The following SLC35G2 variants were observed in gnomAD, a reference collection of about 807,000 sequenced individuals.
The protein encoded by SLC35G2 is transmembrane protein 22.
Under a neutral mutation model 27.2 loss-of-function variants are expected in SLC35G2, and 20 were observed. The observed-to-expected ratio is 0.74, with a 90% CI of 0.52 to 1.07. The LOEUF is 1.07. SLC35G2 is among the 50% of genes least tolerant of loss of function. The pLI is 0.00. For missense variants in SLC35G2, 416 were observed against 493.3 expected (o/e 0.84, Z 1.48); for synonymous variants, 148 against 165.3 (o/e 0.90, Z 0.80).
intron 1 of SLC35G2, among the ~76,000 whole-genome samples, chr3:136,832,709 C>T (rs938332449): frequency 6.6e-6 from 1 of 152,176 alleles, no homozygotes; most frequent in Non-Finnish European, 1.5e-5. Context: ...GTCAGACTGC[C>T]TTCATAGAAA....
At chr3:136,839,358 A>T (rs1177657152) in intron 1 of SLC35G2, among the ~76,000 whole-genome samples, 1 of 152,178 alleles carries the variant, frequency 6.6e-6, no homozygotes, top group East Asian at 1.9e-4. Flanking sequence ...TCACAACACA[A>T]ATTGCTCTGC....
intron 1 of SLC35G2, chr3:136,842,786 C>T (rs985239356): frequency 6.6e-6 from 1 of 152,194 alleles, no homozygotes; most frequent in Non-Finnish European, 1.5e-5. Flanking sequence ...TGAGAGCTCT[C>T]TTGCCATTAT....
chr3:136,829,314 C>T (rs1251271995), intron 1 of SLC35G2, among the ~76,000 whole-genome samples: 14 of 152,084 alleles, frequency 9.2e-5, no homozygotes, highest in African/African-American at 2.4e-4. Context: ...CTCCGCCTCC[C>T]GGGTTCAAGC....
At position 136,835,300 on chromosome 3, in the gene SLC35G2, C is replaced by T. The variant is rs1936834719; in HGVS notation, c.-19+15672C>T. Among the ~76,000 whole-genome samples, 4 of 128,070 alleles carry T rather than the reference C, an allele frequency of 3.1e-5. No individual in the cohort carries two copies. The South Asian group carries it at 1.1e-3, about 35-fold the overall frequency. 84.0% of individuals were successfully genotyped at this position (128,070 alleles called of 152,430 possible). A position where few individuals can be genotyped will look rare whatever the true frequency, so the allele number is the denominator to read the frequency against. On this transcript the variant is annotated intron_variant, in intron 1 of 1. Transcript: ENST00000446465. ...TGACCTTGACATTTTTGAGTTCAGG[C>T]CTTTTTCTTTTTTTTTTTTTTTTGT...
chr3:136,848,798 G>A (rs1937508729), intron 1 of SLC35G2, among the ~76,000 whole-genome samples: 2 of 152,164 alleles, frequency 1.3e-5, no homozygotes, highest in Admixed American at 1.3e-4. Flanking sequence ...AGAGTAGGTG[G>A]GAAGAGAGGG....
chr3:136,832,322 T>G (rs1013009748), intron 1 of SLC35G2, among the ~76,000 whole-genome samples: 1 of 152,128 alleles, frequency 6.6e-6, no homozygotes, highest in Non-Finnish European at 1.5e-5. Flanking sequence ...CTCATTCTTC[T>G]AATCTAGAAG....
In SLC35G2 at chr3:136,855,470, A is replaced by T; in HGVS notation, c.1010A>T (p.Tyr337Phe). 2 of 1,614,160 alleles carry T rather than the reference A, an allele frequency of 1.2e-6. No individual in the cohort carries two copies. The highest frequency in any genetic ancestry group is 1.6e-4 in the Middle Eastern group (1 of 6,062). The change falls in exon 2 of 2, where the codon TAT becomes TTT. Residue 337 changes from tyrosine to phenylalanine, a missense_variant. Transcript: ENST00000446465. ...CSTAAFLGVY[Y>F]ALDKFHPALV... is the part of the protein sequence containing the mutation. ...ACTGCAGCATTCTTAGGAGTTTATTATGCCTTGGACAAATTCCATCCAGCT... is the reference window on the plus strand; with the variant it reads ...ACTGCAGCATTCTTAGGAGTTTATTTTGCCTTGGACAAATTCCATCCAGCT...
intron 1 of SLC35G2, among the ~76,000 whole-genome samples, chr3:136,824,840 G>T (rs1936545476): frequency 6.6e-6 from 1 of 152,000 alleles, no homozygotes; most frequent in Non-Finnish European, 1.5e-5. Context: ...ATGTTTCTTT[G>T]CTGCACCCAT....
At chr3:136,843,507 G>A (rs1354306061) in intron 1 of SLC35G2, among the ~76,000 whole-genome samples, 1 of 151,650 alleles carries the variant, frequency 6.6e-6, no homozygotes, top group South Asian at 2.1e-4. Context: ...TTAGCCGGGT[G>A]TGGTGGCACA....
intron 1 of SLC35G2, among the ~76,000 whole-genome samples, chr3:136,848,404 A>G (rs555643053): frequency 1.2e-4 from 18 of 152,258 alleles, no homozygotes; most frequent in Non-Finnish European, 2.5e-4. Flanking sequence ...GGATCACTTG[A>G]GCCCAGGAGT....
chr3:136,844,263 G>C (rs1030758027), intron 1 of SLC35G2, among the ~76,000 whole-genome samples: 16 of 149,596 alleles, frequency 1.1e-4, no homozygotes, highest in Non-Finnish European at 2.2e-4. Context: ...GCCGAGGCGG[G>C]CGGATCATGA....
chr3:136,835,432 T>C (rs1451302661), intron 1 of SLC35G2, among the ~76,000 whole-genome samples: 1 of 152,002 alleles, frequency 6.6e-6, no homozygotes, highest in Admixed American at 6.6e-5. Flanking sequence ...TTCTTCCAAA[T>C]GTATCATATT....
intron 1 of SLC35G2, among the ~76,000 whole-genome samples, chr3:136,845,586 A>G (rs1937334847): frequency 1.4e-5 from 2 of 139,350 alleles, no homozygotes; most frequent in African/African-American, 5.3e-5. Flanking sequence ...AGCTGCAGTT[A>G]TGCCCTAAAA....
chr3:136,839,666 T>G, intron 1 of SLC35G2, among the ~76,000 whole-genome samples: 1 of 152,254 alleles, frequency 6.6e-6, no homozygotes, highest in South Asian at 2.1e-4. Context: ...CCCCTATACC[T>G]TCTGCTCTTA....
chr3:136,838,008 C>G (rs1261289807), intron 1 of SLC35G2: 1 of 151,690 alleles, frequency 6.6e-6, no homozygotes, highest in Non-Finnish European at 1.5e-5. Context: ...ACGCCCAGCT[C>G]ATTTTTGTAT....
chr3:136,843,714 C>T (rs1050287449), intron 1 of SLC35G2, among the ~76,000 whole-genome samples: 2 of 151,848 alleles, frequency 1.3e-5, no homozygotes, highest in East Asian at 1.9e-4. Context: ...GGGAGGATCA[C>T]CTGAGGTCAC....
intron 1 of SLC35G2, among the ~76,000 whole-genome samples, chr3:136,853,735 T>G (rs1937801188): frequency 6.6e-6 from 1 of 152,156 alleles, no homozygotes; most frequent in Non-Finnish European, 1.5e-5. Context: ...ATTCAGAATG[T>G]AAAAAGCATC....
chr3:136,825,087 T>C (rs1159460502), intron 1 of SLC35G2, among the ~76,000 whole-genome samples: 1 of 152,140 alleles, frequency 6.6e-6, no homozygotes, highest in African/African-American at 2.4e-5. Flanking sequence ...ATGTCCTTTA[T>C]TTCTTTATAT....
chr3:136,823,349 A>G lies in SLC35G2; in HGVS notation c.-19+3721A>G, dbSNP rs1576884381. Among the ~76,000 whole-genome samples the G allele has an allele frequency of 5.9e-5, 9 of 152,212 alleles. 1 individual carries two copies. In the South Asian group the frequency reaches 1.9e-3, roughly 32 times the overall value. ...GGGTAGTTTGCAAATATTTTCTCCC[A>G]TTCTGTGGGTTGTCTTTTCACTTTG... On this transcript the variant is annotated intron_variant, in intron 1 of 1. Coordinates refer to ENST00000446465, the MANE Select transcript of SLC35G2 (RefSeq NM_025246.3).
Sources: allele counts gnomAD v4.1 joint callset (sites outside exome capture counted in the v4.1 genomes callset), GRCh38; gene constraint gnomAD v4.1.1; transcripts MANE v1.5; gene names NCBI Gene and HGNC (gene_info 2026-07-23, HGNC 2026-07-21).